CHN2: variants seen among roughly 807,000 people sequenced by gnomAD.
CHN2 encodes beta-chimaerin.
CHN2 carries 35 observed loss-of-function variants against 56.3 expected under a neutral mutation model. That is an observed-to-expected ratio of 0.62 (90% CI 0.47 to 0.82). The LOEUF is 0.82. Ranked by LOEUF, CHN2 falls within the 40% of genes least tolerant of loss-of-function variation. CHN2 has a pLI of 0.00. For synonymous variants in CHN2, 210 were observed against 212.8 expected, an observed-to-expected ratio of 0.99 and a Z score of 0.12; for missense variants, 491 against 580.5, an observed-to-expected ratio of 0.85 and a Z score of 1.58.
chr7:29,350,988 A>T (rs902759646), intron 1 of CHN2, among the ~76,000 whole-genome samples: 1 of 151,910 alleles, frequency 6.6e-6, no homozygotes, highest in African/African-American at 2.4e-5. Flanking sequence ...GGCACTTGCA[A>T]TCCCAGCTGC....
At chr7:29,255,737 A>G (rs1789022592) in intron 1 of CHN2, among the ~76,000 whole-genome samples, 1 of 152,100 alleles carries the variant, frequency 6.6e-6, no homozygotes, top group African/African-American at 2.4e-5. Context: ...CTCATCTTTT[A>G]TATATCCTTT....
chr7:29,495,927 C>G, intron 7 of CHN2, 25 bp from the exon 8 acceptor site: 1 of 1,605,114 alleles, frequency 6.2e-7, no homozygotes, highest in Non-Finnish European at 8.5e-7. Context: ...AGCTTTCTGA[C>G]ATTTTTCTTC....
At chr7:29,420,297 G>T (rs988619584) in intron 6 of CHN2, among the ~76,000 whole-genome samples, 4 of 152,150 alleles carry the variant, frequency 2.6e-5, no homozygotes, top group South Asian at 4.1e-4. Context: ...TTGAAAGCAG[G>T]ATCTCAAAGA....
chr7:29,188,347 A>G (rs2128751221), intron 2 of CHN2, among the ~76,000 whole-genome samples: 1 of 152,322 alleles, frequency 6.6e-6, no homozygotes, highest in African/African-American at 2.4e-5. Flanking sequence ...CTAGGAGTGA[A>G]GCCCAGGTCT....
chr7:29,455,913 T>C (rs1300910519), intron 6 of CHN2, among the ~76,000 whole-genome samples: 2 of 152,202 alleles, frequency 1.3e-5, no homozygotes, highest in African/African-American at 4.8e-5. Flanking sequence ...AGCCATGTGC[T>C]CAGAGCAAGA....
At chr7:29,290,964 G>A (rs1017444146) in intron 1 of CHN2, among the ~76,000 whole-genome samples, 16 of 152,144 alleles carry the variant, frequency 1.1e-4, no homozygotes, top group Non-Finnish European at 2.1e-4. Flanking sequence ...TTTGACTTGG[G>A]GTTTATATGT....
chr7:29,171,134 G>A (rs899342511), intron 2 of CHN2, among the ~76,000 whole-genome samples: 4 of 152,060 alleles, frequency 2.6e-5, no homozygotes, highest in African/African-American at 9.7e-5. Flanking sequence ...ATGAACTGCC[G>A]GTTTCCCCCC....
intron 1 of CHN2, among the ~76,000 whole-genome samples, chr7:29,286,606 A>G (rs1792171419): frequency 6.6e-6 from 1 of 152,120 alleles, no homozygotes; most frequent in African/African-American, 2.4e-5. Context: ...GGGTAAGGGG[A>G]AAAATAAGAC....
intron 11 of CHN2, among the ~76,000 whole-genome samples, chr7:29,508,635 T>G (rs780820756): frequency 7.9e-5 from 12 of 151,980 alleles, no homozygotes; most frequent in Non-Finnish European, 1.5e-4. Context: ...TATCCTCTAC[T>G]CCAGGAGGAA....
intron 6 of CHN2, among the ~76,000 whole-genome samples, chr7:29,419,743 A>AAT (rs1804140902): frequency 6.6e-6 from 1 of 152,246 alleles, no homozygotes; most frequent in South Asian, 2.1e-4. Context: ...AAGATGCTCT[A>AAT]CATCATTAAT....
chr7:29,505,653 T>G (rs570576190), intron 10 of CHN2, among the ~76,000 whole-genome samples: 2 of 152,354 alleles, frequency 1.3e-5, no homozygotes, highest in South Asian at 4.1e-4. Flanking sequence ...CTCAAGCCTT[T>G]CCTCCTTGAG....
intron 1 of CHN2, among the ~76,000 whole-genome samples, chr7:29,240,819 G>T (rs866724023): frequency 1.0e-4 from 15 of 146,924 alleles, no homozygotes; most frequent in South Asian, 4.2e-4. Flanking sequence ...CTTCTTCTTC[G>T]TCGTCGTCGT....
chr7:29,168,742 C>G (rs550693241), intron 2 of CHN2, among the ~76,000 whole-genome samples: 1 of 152,298 alleles, frequency 6.6e-6, no homozygotes, highest in Middle Eastern at 3.4e-3. Flanking sequence ...CACTTAAAAA[C>G]TATTTTTCCA....
chr7:29,275,182 A>G (rs975049008), intron 1 of CHN2, among the ~76,000 whole-genome samples: 3 of 152,194 alleles, frequency 2.0e-5, no homozygotes, highest in Non-Finnish European at 4.4e-5. Context: ...TTGAGAATGA[A>G]AAGGTAGTAT....
At chr7:29,270,864 C>CT (rs11446675) in intron 1 of CHN2, among the ~76,000 whole-genome samples, 81,967 of 151,348 alleles carry the variant, frequency 0.54, 23,059 homozygotes, top group East Asian at 0.95. Flanking sequence ...AAAAAGATGG[C>CT]TTTTTTTTCT....
intron 3 of CHN2, among the ~76,000 whole-genome samples, chr7:29,377,793 A>G (rs1800189587): frequency 6.6e-6 from 1 of 152,186 alleles, no homozygotes; most frequent in Admixed American, 6.5e-5. Flanking sequence ...TAAGTACACC[A>G]TGTCTCTGTC....
At chr7:29,353,788 C>G (rs1183618796) in intron 1 of CHN2, among the ~76,000 whole-genome samples, 1 of 152,188 alleles carries the variant, frequency 6.6e-6, no homozygotes, top group Non-Finnish European at 1.5e-5. Context: ...GGTTCCCTCA[C>G]ATCAACGTTC....
In CHN2 at chr7:29,509,375, A is replaced by C. The variant is rs1397637911; in HGVS notation, c.1204A>C (p.Thr402Pro). 6.2e-7 allele frequency: 1 copy of C among 1,613,560 alleles called. No individual in the cohort carries two copies. The highest frequency in any genetic ancestry group is 8.5e-7 in the Non-Finnish European group (1 of 1,179,762). The change falls in exon 12 of 13, where the codon ACC becomes CCC. Residue 402 changes from threonine to proline, a missense_variant. Coordinates refer to ENST00000222792, the MANE Select transcript of CHN2 (RefSeq NM_004067.4). ...GCTGCTGCCTCCTGCCCACTATGAA[A>C]CCCTCCGGTACCTAATGATCCACCT... ...LMLLPPAHYETLRYLMIHLKK... is the reference protein window; with the variant it reads ...LMLLPPAHYEPLRYLMIHLKK...
intron 1 of CHN2, among the ~76,000 whole-genome samples, chr7:29,221,762 C>A (rs141902317): frequency 1.4e-4 from 21 of 152,286 alleles, no homozygotes; most frequent in African/African-American, 5.1e-4. Flanking sequence ...GCTTCCAGCT[C>A]CATTCATGTC....
Sources: allele counts gnomAD v4.1 joint callset (sites outside exome capture counted in the v4.1 genomes callset), GRCh38; gene constraint gnomAD v4.1.1; transcripts MANE v1.5; gene names NCBI Gene and HGNC (gene_info 2026-07-23, HGNC 2026-07-21).